Variants in PCLO observed in about 807,000 individuals in gnomAD.
The protein encoded by PCLO is protein piccolo.
In PCLO, 82 loss-of-function variants were observed where a neutral mutation model predicts 427.5. That is an observed-to-expected ratio of 0.19 (90% CI 0.16 to 0.23). PCLO has a LOEUF of 0.23. Among genes scored for constraint, PCLO ranks in the 10% least tolerant of loss-of-function variants. The pLI, the probability that PCLO is intolerant of heterozygous loss-of-function variation, is 1.00. For missense variants in PCLO, 6,239 were observed against 6,115.9 expected (o/e 1.02, Z -0.67); for synonymous variants, 2,357 against 2,155.4 (o/e 1.09, Z -2.59).
intron 23 of PCLO, 104 bp downstream of exon 23, chr7:82,761,255 A>AT: frequency 1.6e-6 from 1 of 609,742 alleles, no homozygotes; most frequent in South Asian, 2.5e-5. Flanking sequence ...TTTTTCTGAC[A>AT]TATTTGGTGT....
At chr7:83,086,924 T>C (rs1453887748) in intron 3 of PCLO, among the ~76,000 whole-genome samples, 1 of 151,950 alleles carries the variant, frequency 6.6e-6, no homozygotes, top group East Asian at 1.9e-4. Flanking sequence ...TGTAGGGACA[T>C]GGATGAAGGT....
chr7:82,800,967 T>G lies in PCLO; in HGVS notation c.15007+551A>C, dbSNP rs373809580. Among the ~76,000 whole-genome samples, 33 of 152,032 alleles carry G rather than the reference T, an allele frequency of 2.2e-4. 1 individual carries two copies. Among genetic ancestry groups the G allele is most frequent in the African/African-American group, 7.5e-4 (31 of 41,518 alleles). On this transcript the variant is annotated intron_variant, in intron 22 of 24. Transcript: ENST00000333891. ...ATAGATACTCCTTTTATATGTTTGCTGACGTCAAGGATTTTTCACATTTGG... is the reference window on the plus strand; with the variant it reads ...ATAGATACTCCTTTTATATGTTTGCGGACGTCAAGGATTTTTCACATTTGG...
rs1166768079 is a variant in PCLO, at chr7:83,134,687, G to A, written c.2863C>T (p.His955Tyr). 1 of 1,613,786 alleles carries A rather than the reference G, an allele frequency of 6.2e-7. No individual in the cohort carries two copies. Among genetic ancestry groups the A allele is most frequent in the Non-Finnish European group, 8.5e-7 (1 of 1,179,786 alleles). The stretch of plus-strand genomic sequence containing the variant: ...GGGGCCCCTGGTCCACTTTGTGAAT[G>A]AGGTCCAGGTTGGCCTGCAGTGGAA... The part of the protein sequence containing the change: ...LISTAGQPGP[H>Y]SQSGPGAPMK... Residue 955 changes from histidine (H) to tyrosine (Y), a missense_variant, in exon 3 of 25, where the codon CAT becomes TAT. By Grantham distance (83) the His-to-Tyr change is moderately conservative. Coordinates refer to ENST00000333891, the MANE Select transcript of PCLO (RefSeq NM_033026.6).
chr7:83,053,215 CT>C (rs1033723876), intron 3 of PCLO, among the ~76,000 whole-genome samples: 4 of 151,852 alleles, frequency 2.6e-5, no homozygotes, highest in Non-Finnish European at 5.9e-5. Flanking sequence ...CTAGACAATT[CT>C]TACTTATATT....
intron 22 of PCLO, among the ~76,000 whole-genome samples, chr7:82,775,929 T>C (rs2129467950): frequency 6.6e-6 from 1 of 152,314 alleles, no homozygotes; most frequent in Non-Finnish European, 1.5e-5. Context: ...GTCCAATTGT[T>C]CCAGCACCAT....
At chr7:82,821,762 C>T (rs1791797736) in intron 20 of PCLO, 2 of 982,018 alleles carry the variant, frequency 2.0e-6, no homozygotes, top group Non-Finnish European at 2.4e-6. Context: ...AAGTGTGATC[C>T]AACAGAATGG....
chr7:83,023,780 C>G (rs1385088120), intron 3 of PCLO, among the ~76,000 whole-genome samples: 1 of 152,148 alleles, frequency 6.6e-6, no homozygotes, highest in African/African-American at 2.4e-5. Context: ...TTATGCCCAC[C>G]ACAGTGCAGA....
rs17284363 is a variant in PCLO at position 82,802,815 on chromosome 7, G to T, written c.14934-1224C>A. ...ATCTTACTTGAAAACTGCTCTAAAG[G>T]TCCTCTTATTCTACTTCAGAGAAGG... On this transcript the variant is annotated intron_variant, in intron 21 of 24. Coordinates refer to ENST00000333891, the MANE Select transcript of PCLO (RefSeq NM_033026.6). Among the ~76,000 whole-genome samples the T allele has an allele frequency of 1.5e-4, 23 of 151,954 alleles. 1 individual carries two copies. The highest frequency in any genetic ancestry group is 5.1e-4 in the African/African-American group (21 of 41,386).
At chr7:82,809,897 TTTGA>T (rs1268123373) in intron 20 of PCLO, among the ~76,000 whole-genome samples, 2 of 151,594 alleles carry the variant, frequency 1.3e-5, no homozygotes, top group South Asian at 2.1e-4. Flanking sequence ...AAAACACTGG[TTTGA>T]TTGAAGGAAA....
intron 16 of PCLO, among the ~76,000 whole-genome samples, chr7:82,833,037 G>T (rs1452253127): frequency 6.6e-6 from 1 of 152,080 alleles, no homozygotes; most frequent in African/African-American, 2.4e-5. Flanking sequence ...CTGGCACAGT[G>T]TCTGACACAT....
chr7:83,122,247 A>T lies in PCLO; in HGVS notation c.3300+12003T>A, dbSNP rs948047239. Among the ~76,000 whole-genome samples the T allele has an allele frequency of 4.0e-5, 6 of 149,612 alleles. No homozygotes were observed. In the South Asian group the frequency reaches 1.3e-3, roughly 32 times the overall value. On this transcript the variant is annotated intron_variant, in intron 3 of 24. Coordinates refer to ENST00000333891, the MANE Select transcript of PCLO (RefSeq NM_033026.6). ...CCTTTCCTCTAATATCTATAATAAG[A>T]CAAGGATGCACTCTTTCCTTCTTTC...
intron 6 of PCLO, among the ~76,000 whole-genome samples, chr7:82,930,186 G>C (rs1489137442): frequency 6.6e-6 from 1 of 152,108 alleles, no homozygotes; most frequent in Non-Finnish European, 1.5e-5. Flanking sequence ...AGGGCTACAG[G>C]GGAGGGATTT....
intron 3 of PCLO, among the ~76,000 whole-genome samples, chr7:83,120,092 A>G (rs1197158107): frequency 6.6e-6 from 1 of 152,030 alleles, no homozygotes; most frequent in East Asian, 1.9e-4. Flanking sequence ...GAGATAAGAG[A>G]CGATCAGAAT....
At chr7:83,128,527 A>G (rs951883601) in intron 3 of PCLO, among the ~76,000 whole-genome samples, 2 of 152,108 alleles carry the variant, frequency 1.3e-5, no homozygotes, top group Non-Finnish European at 2.9e-5. Context: ...TTAGACTATT[A>G]ATTGATACAA....
At chr7:83,005,099 T>C (rs1241853785) in intron 3 of PCLO, among the ~76,000 whole-genome samples, 2 of 151,532 alleles carry the variant, frequency 1.3e-5, no homozygotes, top group African/African-American at 4.8e-5. Context: ...AGTATAAGTG[T>C]TTCTCAAAAA....
intron 20 of PCLO, among the ~76,000 whole-genome samples, chr7:82,814,796 C>T (rs2214414): frequency 0.58 from 88,556 of 151,634 alleles, 26,762 homozygotes; most frequent in East Asian, 0.85. Context: ...TTAATCTTCT[C>T]AAGAATATTT....
chr7:82,838,356 A>G lies in PCLO; in HGVS notation c.14098-14T>C, dbSNP rs756477052. The G allele has an allele frequency of 7.2e-7, 1 of 1,393,668 alleles. No homozygotes were observed. The allele number at this position is 1,393,668 out of a possible 1,614,324, so 86.3% of individuals were successfully genotyped here. The stretch of plus-strand genomic sequence containing the variant: ...GTTAATTTGAAGCTTTAGGAGAGAG[A>G]AAAATATTCCATAAGTTTTTAAAAG... On this transcript the variant is annotated splice_polypyrimidine_tract_variant and intron_variant, in intron 14 of 24. Transcript: ENST00000333891.
In PCLO at chr7:82,955,383, GAAC is replaced by G. The variant is rs775207281; in HGVS notation, c.5567_5569del (p.Cys1856del). 1.9e-6 allele frequency: 3 copies of G among 1,613,818 alleles called. No individual in the cohort carries two copies. The highest frequency in any genetic ancestry group is 1.7e-6 in the Non-Finnish European group (2 of 1,179,824). ...TGACTCTATGCTAGGTGAATATTCA[GAAC>G]AAGAAGATCTATGGAGCTCCTCCAT... On this transcript the variant is annotated inframe_deletion, in exon 5 of 25. Coordinates refer to ENST00000333891, the MANE Select transcript of PCLO (RefSeq NM_033026.6).
intron 22 of PCLO, among the ~76,000 whole-genome samples, chr7:82,777,147 A>G (rs553062398): frequency 6.6e-6 from 1 of 152,142 alleles, no homozygotes; most frequent in Admixed American, 6.5e-5. Context: ...CTTAATCCCA[A>G]TCACAACTGC....
Sources: gnomAD v4.1 joint callset for allele counts (sites outside exome capture counted in the v4.1 genomes callset) on GRCh38, gnomAD v4.1.1 for gene constraint, MANE v1.5 for transcripts, NCBI Gene and HGNC (gene_info 2026-07-23, HGNC 2026-07-21) for gene names.